The following DLGAP2 variants were observed in gnomAD, a reference collection of about 807,000 sequenced individuals.
The protein encoded by DLGAP2 is disks large-associated protein 2.
DLGAP2 carries 26 observed loss-of-function variants against 100.3 expected under a neutral mutation model. The observed-to-expected ratio is 0.26, with a 90% CI of 0.19 to 0.36. The LOEUF (loss-of-function observed/expected upper bound fraction) is 0.36, where lower values mean the gene tolerates loss of function less well. Ranked by LOEUF, DLGAP2 falls within the 10% of genes least tolerant of loss-of-function variation. DLGAP2 has a pLI of 1.00. For missense variants in DLGAP2, 1,858 were observed against 1,453.2 expected (o/e 1.28, Z -4.53); for synonymous variants, 886 against 630.1 (o/e 1.41, Z -6.08).
At chr8:1,273,896 T>C (rs141478115) in intron 3 of DLGAP2, among the ~76,000 whole-genome samples, 1 of 152,344 alleles carries the variant, frequency 6.6e-6, no homozygotes, top group South Asian at 2.1e-4. Flanking sequence ...TATCTTCATA[T>C]ATAGCCGGGA....
chr8:1,444,643 C>A (rs1157768862), intron 3 of DLGAP2, among the ~76,000 whole-genome samples: 1 of 152,134 alleles, frequency 6.6e-6, no homozygotes, highest in Non-Finnish European at 1.5e-5. Flanking sequence ...GGTCTTCTTT[C>A]CCCATTTCCA....
chr8:1,472,007 C>G (rs1798815213), intron 3 of DLGAP2, among the ~76,000 whole-genome samples: 1 of 152,164 alleles, frequency 6.6e-6, no homozygotes, highest in Non-Finnish European at 1.5e-5. Flanking sequence ...GGTCTCTGTG[C>G]CAGGCACTAC....
intron 6 of DLGAP2, among the ~76,000 whole-genome samples, chr8:1,622,952 G>T (rs1167200604): frequency 1.3e-5 from 2 of 152,194 alleles, no homozygotes; most frequent in Non-Finnish European, 2.9e-5. Flanking sequence ...GGCCACCGGA[G>T]GGTGCATCCC....
intron 3 of DLGAP2, among the ~76,000 whole-genome samples, chr8:1,487,868 A>T (rs1799270360): frequency 6.6e-6 from 1 of 152,146 alleles, no homozygotes; most frequent in Admixed American, 6.5e-5. Context: ...CTTTACCCGT[A>T]ACTGGGAGGA....
At chr8:1,564,168 T>C (rs1802301322) in intron 5 of DLGAP2, among the ~76,000 whole-genome samples, 2 of 152,280 alleles carry the variant, frequency 1.3e-5, no homozygotes, top group East Asian at 1.9e-4. Context: ...GTTTGACCTA[T>C]GGAGTGAACT....
intron 1 of DLGAP2, among the ~76,000 whole-genome samples, chr8:812,335 G>A (rs958125337): frequency 5.9e-5 from 9 of 152,184 alleles, no homozygotes; most frequent in Non-Finnish European, 1.3e-4. Context: ...GCCCATGGGG[G>A]ATGGTGAGGG....
At chr8:1,037,597 G>C (rs531789529) in intron 2 of DLGAP2, among the ~76,000 whole-genome samples, 10 of 152,282 alleles carry the variant, frequency 6.6e-5, no homozygotes, top group Admixed American at 4.6e-4. Context: ...TTAATTTTAC[G>C]CTTTTGTTCT....
chr8:868,717 A>T (rs1206783981), intron 1 of DLGAP2, among the ~76,000 whole-genome samples: 1 of 152,170 alleles, frequency 6.6e-6, no homozygotes, highest in Non-Finnish European at 1.5e-5. Flanking sequence ...AGGCGTCTGC[A>T]GCCCTGTCTG....
At chr8:773,135 C>A (rs569835447) in intron 1 of DLGAP2, among the ~76,000 whole-genome samples, 1 of 152,202 alleles carries the variant, frequency 6.6e-6, no homozygotes, top group Admixed American at 6.5e-5. Flanking sequence ...CTCATCTTCT[C>A]ACAGCTCTGG....
chr8:980,520 C>T (rs1473696810), intron 2 of DLGAP2, among the ~76,000 whole-genome samples: 2 of 152,198 alleles, frequency 1.3e-5, no homozygotes, highest in Admixed American at 1.3e-4. Context: ...GGAACTGTGA[C>T]CTTGGGTGCT....
intron 13 of DLGAP2, among the ~76,000 whole-genome samples, chr8:1,696,667 G>A (rs942918468): frequency 1.3e-5 from 2 of 152,174 alleles, no homozygotes; most frequent in African/African-American, 2.4e-5. Context: ...CCTGTTCCTT[G>A]GCGCATTACA....
At chr8:1,075,494 C>T (rs552999846) in intron 2 of DLGAP2, among the ~76,000 whole-genome samples, 29 of 152,152 alleles carry the variant, frequency 1.9e-4, no homozygotes, top group Admixed American at 3.3e-4. Flanking sequence ...CTACTGTCCT[C>T]TTCTGTGATG....
intron 3 of DLGAP2, among the ~76,000 whole-genome samples, chr8:1,419,717 T>G (rs951385968): frequency 6.6e-6 from 1 of 152,098 alleles, no homozygotes; most frequent in African/African-American, 2.4e-5. Context: ...AAAGTAACAG[T>G]TCTAGCAAGG....
intron 5 of DLGAP2, among the ~76,000 whole-genome samples, chr8:1,555,199 C>T (rs965042914): frequency 6.6e-6 from 1 of 152,150 alleles, no homozygotes; most frequent in Non-Finnish European, 1.5e-5. Context: ...TGGACACAGA[C>T]GCACAACCCT....
At chr8:1,067,015 C>G (rs1803275332) in intron 2 of DLGAP2, among the ~76,000 whole-genome samples, 1 of 152,188 alleles carries the variant, frequency 6.6e-6, no homozygotes, top group African/African-American at 2.4e-5. Flanking sequence ...CCGACTCTGA[C>G]TGGTGGTGTT....
At chr8:1,435,857 T>C (rs904694867) in intron 3 of DLGAP2, among the ~76,000 whole-genome samples, 1 of 151,806 alleles carries the variant, frequency 6.6e-6, no homozygotes, top group Non-Finnish European at 1.5e-5. Context: ...TGGGTCTTAG[T>C]GCTTAACAAG....
chr8:1,632,468 G>A (rs1198059052), intron 7 of DLGAP2, among the ~76,000 whole-genome samples: 3 of 152,130 alleles, frequency 2.0e-5, no homozygotes, highest in Non-Finnish European at 4.4e-5. Flanking sequence ...TGTGGGAAAG[G>A]GAAGGAAGAA....
At chr8:1,056,897 C>T (rs904244506) in intron 2 of DLGAP2, among the ~76,000 whole-genome samples, 1 of 152,222 alleles carries the variant, frequency 6.6e-6, no homozygotes, top group African/African-American at 2.4e-5. Flanking sequence ...CCCCCTTAAT[C>T]CTCTACCTGC....
intron 1 of DLGAP2, among the ~76,000 whole-genome samples, chr8:898,878 T>G (rs1021279320): frequency 2.0e-5 from 3 of 152,124 alleles, no homozygotes; most frequent in African/African-American, 7.2e-5. Context: ...CACTGGAGGG[T>G]GAGCCCTGCG....
Sources: allele counts gnomAD v4.1 joint callset (sites outside exome capture counted in the v4.1 genomes callset), GRCh38; gene constraint gnomAD v4.1.1; transcripts MANE v1.5; gene names NCBI Gene and HGNC (gene_info 2026-07-23, HGNC 2026-07-21).